UBE4B: variants seen among roughly 807,000 people sequenced by gnomAD.
UBE4B encodes ubiquitination factor E4B, also known as ubiquitin conjugation factor E4 B.
In UBE4B, 27 loss-of-function variants were observed where a neutral mutation model predicts 148.1. That is an observed-to-expected ratio of 0.18 (90% confidence interval 0.13 to 0.25). UBE4B has a LOEUF of 0.25. Ranked by LOEUF, UBE4B falls within the 10% of genes least tolerant of loss-of-function variation. UBE4B has a pLI of 1.00. For synonymous variants in UBE4B, 596 were observed against 619.3 expected (o/e 0.96, Z 0.56); for missense variants, 1,170 against 1,662.4 (o/e 0.70, Z 5.15).
chr1:10,127,590 A>G (rs1645522557), intron 11 of UBE4B, among the ~76,000 whole-genome samples: 1 of 152,282 alleles, frequency 6.6e-6, no homozygotes, highest in African/African-American at 2.4e-5. Flanking sequence ...AGGAAAAAAT[A>G]TCAAAATGAA....
At chr1:10,107,778 A>G (rs1645142342) in intron 7 of UBE4B, among the ~76,000 whole-genome samples, 1 of 152,008 alleles carries the variant, frequency 6.6e-6, no homozygotes, top group Non-Finnish European at 1.5e-5. Context: ...GGGTTTTGCC[A>G]GGTTGGCCAG....
intron 20 of UBE4B, 113 bp from the exon 21 acceptor site, chr1:10,151,213 A>G: frequency 1.1e-6 from 1 of 949,670 alleles, no homozygotes; most frequent in Non-Finnish European, 1.6e-6. Context: ...GGCACTCCCA[A>G]ACCTACTTAT....
intron 7 of UBE4B, among the ~76,000 whole-genome samples, chr1:10,115,164 C>CTTT (rs5772396): frequency 7.3e-6 from 1 of 137,024 alleles, no homozygotes; most frequent in Non-Finnish European, 1.6e-5. Flanking sequence ...TAATACCATA[C>CTTT]TTTTTTTTTT....
At chr1:10,170,623 T>A (rs984550291) in intron 24 of UBE4B, among the ~76,000 whole-genome samples, 3 of 152,256 alleles carry the variant, frequency 2.0e-5, no homozygotes, top group African/African-American at 7.2e-5. Context: ...ATTCAAGGCA[T>A]AACTTTTATC....
intron 2 of UBE4B, among the ~76,000 whole-genome samples, chr1:10,079,105 T>A (rs535011889): frequency 9.9e-5 from 15 of 152,160 alleles, no homozygotes; most frequent in African/African-American, 3.4e-4. Flanking sequence ...AGGCATGGAG[T>A]TCTCCATTGT....
chr1:10,048,036 C>T (rs536970597), intron 1 of UBE4B, among the ~76,000 whole-genome samples: 69 of 152,100 alleles, frequency 4.5e-4, no homozygotes, highest in African/African-American at 1.6e-3. Context: ...TTATTAGAGA[C>T]GAGGGTCTCC....
chr1:10,077,449 ATTTC>A (rs1050200785), intron 2 of UBE4B, among the ~76,000 whole-genome samples: 4 of 152,076 alleles, frequency 2.6e-5, no homozygotes, highest in Non-Finnish European at 5.9e-5. Context: ...CAGGAGTATT[ATTTC>A]TTTGTTTTTG....
At chr1:10,127,047 G>T (rs894805660) in intron 11 of UBE4B, among the ~76,000 whole-genome samples, 170 bp downstream of exon 11, 4 of 152,188 alleles carry the variant, frequency 2.6e-5, no homozygotes, top group African/African-American at 9.7e-5. Context: ...AGATGCATCA[G>T]TGAAGACAGT....
At position 10,168,110 on chromosome 1, in the gene UBE4B, C is replaced by T. The variant is rs1646282274; in HGVS notation, c.3199-26C>T. 6.2e-7 allele frequency: 1 copy of T among 1,606,084 alleles called. No homozygotes were observed. Among genetic ancestry groups the T allele is most frequent in the African/African-American group, 1.3e-5 (1 of 74,750 alleles). ...AGCTGATGACCAGGACCGAGCCTTA[C>T]TCAGCGTCTGTTCGATGTGTCCTAG... On this transcript the variant is annotated intron_variant, in intron 23 of 27. Coordinates refer to ENST00000343090, the MANE Select transcript of UBE4B (RefSeq NM_001105562.3). This position sits in a 1 kb window ranked among gnomAD's most constrained non-coding sequence, Gnocchi z 4.9.
rs535582041 is a variant in UBE4B at position 10,049,870 on chromosome 1, G to A, written c.24+16176G>A. Among the ~76,000 whole-genome samples, 16 of 148,210 alleles carry A rather than the reference G, an allele frequency of 1.1e-4. No homozygotes were observed. In the South Asian group the frequency reaches 3.0e-3, roughly 27 times the overall value. On this transcript the variant is annotated intron_variant, in intron 1 of 27. Coordinates refer to ENST00000343090, the MANE Select transcript of UBE4B (RefSeq NM_001105562.3). ...CATGTCACTGCCCTCTAGTCTGGGC[G>A]AGAGAGCAAAAGACCCTGTCTCAAA...
At position 10,095,495 on chromosome 1, in the gene UBE4B, C is replaced by G; in HGVS notation, c.246C>G (p.Val82=). 6.2e-7 allele frequency: 1 copy of G among 1,614,104 alleles called. No individual in the cohort carries two copies. The highest frequency in any genetic ancestry group is 8.5e-7 in the Non-Finnish European group (1 of 1,180,018). The change falls in exon 3 of 28, where the codon GTC becomes GTG. Residue 82 remains valine (V), a synonymous_variant. Coordinates refer to ENST00000343090, the MANE Select transcript of UBE4B (RefSeq NM_001105562.3). ...ATCGAAGCCAGAGCAGTGAAGGAGT[C>G]AGTTCTCTCAGCAGCTCGCCCTCTA... ...VAHRSQSSEG[V]SSLSSSPSNS...
chr1:10,079,707 G>A (rs1644645796), intron 2 of UBE4B, among the ~76,000 whole-genome samples: 1 of 152,224 alleles, frequency 6.6e-6, no homozygotes. Flanking sequence ...TTTGGAACTA[G>A]TGAGAAGCCA....
chr1:10,174,065 C>T (rs1178631822), intron 25 of UBE4B, among the ~76,000 whole-genome samples: 1 of 152,198 alleles, frequency 6.6e-6, no homozygotes, highest in Non-Finnish European at 1.5e-5. Context: ...AACAAACACA[C>T]ATGTGCCAGT....
intron 2 of UBE4B, among the ~76,000 whole-genome samples, chr1:10,089,033 G>T (rs1644805778): frequency 6.6e-6 from 1 of 152,032 alleles, no homozygotes; most frequent in Non-Finnish European, 1.5e-5. Context: ...TTGAGATAAA[G>T]TCTCGCTCTA....
At chr1:10,115,873 T>G (rs919485250) in intron 7 of UBE4B, among the ~76,000 whole-genome samples, 1 of 152,190 alleles carries the variant, frequency 6.6e-6, no homozygotes, top group African/African-American at 2.4e-5. Flanking sequence ...TGGTGAGTAT[T>G]TGTGTATCTA....
intron 1 of UBE4B, among the ~76,000 whole-genome samples, chr1:10,048,484 C>G (rs1215324450): frequency 6.6e-6 from 1 of 152,044 alleles, no homozygotes; most frequent in African/African-American, 2.4e-5. Flanking sequence ...GACAAGAGGA[C>G]TGAGCCTCCA....
chr1:10,033,511 C>A lies in UBE4B; in HGVS notation c.-160C>A. ...GAAGCCAAGGCAGTTTAGTGCCTCT[C>A]GTGTTCTTATTTTTTAACCTCTGAC... On this transcript the variant is annotated 5_prime_UTR_variant, in exon 1 of 28. Transcript: ENST00000343090. The A allele has an allele frequency of 2.5e-6, 2 of 788,368 alleles. No homozygotes were observed. The highest frequency in any genetic ancestry group is 3.7e-6 in the Non-Finnish European group (2 of 547,918). 48.8% of individuals were successfully genotyped at this position (788,368 alleles called of 1,614,324 possible). A position where few individuals can be genotyped will look rare whatever the true frequency, so the allele number is the denominator to read the frequency against.
intron 1 of UBE4B, among the ~76,000 whole-genome samples, chr1:10,068,378 C>G (rs1258129466): frequency 1.3e-5 from 2 of 148,368 alleles, no homozygotes; most frequent in African/African-American, 5.0e-5. Context: ...GAGCAGGAGT[C>G]TCGCTCTGTT....
intron 2 of UBE4B, among the ~76,000 whole-genome samples, chr1:10,074,224 A>C (rs918167054): frequency 3.4e-4 from 52 of 152,000 alleles, no homozygotes; most frequent in African/African-American, 1.3e-3. Flanking sequence ...TGTTATGCAC[A>C]AATTGTCCCT....
Sources: allele counts gnomAD v4.1 joint callset (sites outside exome capture counted in the v4.1 genomes callset), GRCh38; gene constraint gnomAD v4.1.1; non-coding constraint Gnocchi (gnomAD v3.1); transcripts MANE v1.5; gene names NCBI Gene and HGNC (gene_info 2026-07-23, HGNC 2026-07-21).